The following SUPT6H variants were observed in gnomAD, a reference collection of about 807,000 sequenced individuals.
The protein encoded by SUPT6H is transcription elongation factor SPT6.
SUPT6H carries 11 observed loss-of-function variants against 222.3 expected under a neutral mutation model. The ratio of observed to expected loss-of-function variants is 0.05; its 90% confidence interval spans 0.03 to 0.08. SUPT6H has a LOEUF of 0.08. SUPT6H is among the 10% of genes least tolerant of loss of function. SUPT6H has a pLI of 1.00. For missense variants in SUPT6H, 1,422 were observed against 2,216.0 expected (o/e 0.64, Z 7.19); for synonymous variants, 762 against 801.2 (o/e 0.95, Z 0.83).
chr17:28,674,639 C>A, intron 4 of SUPT6H, 26 bp downstream of exon 4: 1 of 1,608,292 alleles, frequency 6.2e-7, no homozygotes, highest in Non-Finnish European at 8.5e-7. Context: ...TGTCTTTTGT[C>A]CCTGGGGGTA....
Position 28,697,697 on chromosome 17 carries a change from C to A in SUPT6H, c.4287C>A (p.His1429Gln), listed in dbSNP as rs2031984636. 1 of 1,614,238 alleles carries A rather than the reference C, an allele frequency of 6.2e-7. No individual in the cohort carries two copies. The highest frequency in any genetic ancestry group is 8.5e-7 in the Non-Finnish European group (1 of 1,180,052). Residue 1429 changes from histidine to glutamine, a missense_variant, in exon 31 of 37, where the codon CAC (histidine) becomes CAA (glutamine). By Grantham distance (24) the His-to-Gln change is conservative (BLOSUM62 0). Transcript: ENST00000314616. ...MASFARDLLN[H>Q]KYYQDCSGGD... is the part of the protein sequence containing the mutation. ...CCTTTGCCCGGGACCTTCTGAATCA[C>A]AAGTATTATCAGGACTGCAGCGGTG...
Position 28,692,604 on chromosome 17 carries a change from C to G in SUPT6H, c.3634-1092C>G, listed in dbSNP as rs77964959. Among the ~76,000 whole-genome samples, 1,305 of 148,224 alleles carry G rather than the reference C, an allele frequency of 8.8e-3. 135 individuals are homozygous for G. The highest frequency in any genetic ancestry group is 0.06 in the Admixed American group (897 of 14,844). On this transcript the variant is annotated intron_variant, in intron 27 of 36. Coordinates refer to ENST00000314616, the MANE Select transcript of SUPT6H (RefSeq NM_003170.5). ...AAAAGAGGATGGGGCACAGTCACAC[C>G]AGTAATCCCAGCACTTTCAGGGGCC... is the stretch of plus-strand genomic sequence containing the variant.
chr17:28,670,885 C>CAA, intron 1 of SUPT6H: 2 of 136,882 alleles, frequency 1.5e-5, no homozygotes, highest in Non-Finnish European at 3.2e-5. Flanking sequence ...AACTCCATCT[C>CAA]AAAAAAAAAA....
chr17:28,679,520 C>T (rs185605721), intron 11 of SUPT6H, among the ~76,000 whole-genome samples: 3 of 152,210 alleles, frequency 2.0e-5, no homozygotes, highest in African/African-American at 4.8e-5. Flanking sequence ...CTATACTCCA[C>T]ACTGAGTGAA....
chr17:28,691,225 C>T (rs1160434687), intron 27 of SUPT6H, 162 bp downstream of exon 27: 8 of 999,194 alleles, frequency 8.0e-6, no homozygotes, highest in Non-Finnish European at 1.2e-5. Flanking sequence ...GCATGAAGTC[C>T]CTTCTGAGAA....
Position 28,686,553 on chromosome 17 carries a change from CT to C in SUPT6H, c.2565-99del, listed in dbSNP as rs1431513618. The stretch of plus-strand genomic sequence containing the variant: ...CCCTGGGGATGTTTGACCTCATTTT[CT>C]TCAAAGCCCTTTCCTCCCCTACCTC... On this transcript the variant is annotated intron_variant, in intron 20 of 36. Coordinates refer to ENST00000314616, the MANE Select transcript of SUPT6H (RefSeq NM_003170.5). The C allele has an allele frequency of 1.4e-5, 21 of 1,539,978 alleles. No homozygotes were observed. The East Asian group carries it at 4.5e-4, about 33-fold the overall frequency.
At position 28,674,315 on chromosome 17, in the gene SUPT6H, C is replaced by G; in HGVS notation, c.142C>G (p.Gln48Glu). The G allele has an allele frequency of 1.2e-6, 2 of 1,613,982 alleles. No individual in the cohort carries two copies. Among genetic ancestry groups the G allele is most frequent in the Non-Finnish European group, 8.5e-7 (1 of 1,179,972 alleles). Residue 48 changes from glutamine (Q) to glutamate (E), a missense_variant, in exon 3 of 37, where the codon CAG becomes GAG. This residue lies in a region of SUPT6H where 89 missense variants were observed against 118.9 expected (regional missense o/e 0.75). Coordinates refer to ENST00000314616, the MANE Select transcript of SUPT6H (RefSeq NM_003170.5). ...GGAGGAGGAGGAGAACCTAGATGAT[C>G]AGGATGAGCAAGGCAACTTGAAAGG... ...EEEEEENLDD[Q>E]DEQGNLKGFI...
chr17:28,682,071 C>T (rs2031141908), intron 13 of SUPT6H, 91 bp downstream of exon 13: 1 of 1,028,538 alleles, frequency 9.7e-7, no homozygotes, highest in South Asian at 1.5e-5. Context: ...AAAAGAAAGG[C>T]TATCTGGGTC....
intron 32 of SUPT6H, among the ~76,000 whole-genome samples, chr17:28,698,528 C>A (rs746308864): frequency 6.6e-6 from 1 of 152,224 alleles, no homozygotes; most frequent in Non-Finnish European, 1.5e-5. Context: ...AACAGGCTGG[C>A]CTTCCTGAGG....
At chr17:28,670,455 G>A (rs1451372616) in intron 1 of SUPT6H, 1 of 152,018 alleles carries the variant, frequency 6.6e-6, no homozygotes, top group Non-Finnish European at 1.5e-5. Context: ...ATTTTGATTG[G>A]GTTTTGTGTG....
intron 18 of SUPT6H, 33 bp downstream of exon 18, chr17:28,684,758 C>G (rs2031296632): frequency 1.2e-6 from 2 of 1,613,136 alleles, no homozygotes; most frequent in African/African-American, 1.3e-5. Flanking sequence ...CCAGCACCAT[C>G]TCTTGTCTTC....
intron 20 of SUPT6H, 75 bp from the exon 21 acceptor site, chr17:28,686,579 C>T (rs1201036690): frequency 2.6e-6 from 4 of 1,547,710 alleles, no homozygotes; most frequent in Non-Finnish European, 3.5e-6. Context: ...TCCCCTACCT[C>T]TTCACCCCCA....
chr17:28,683,651 G>A lies in SUPT6H; in HGVS notation c.2064G>A (p.Glu688=), dbSNP rs780962018. 5.6e-6 allele frequency: 9 copies of A among 1,613,988 alleles called. No individual in the cohort carries two copies. The highest frequency in any genetic ancestry group is 4.0e-5 in the African/African-American group (3 of 74,906). ...GYGNDQTYFE[E]IKQFYYRDEF... ...GCAACGACCAGACATATTTTGAGGA[G>A]ATAAAACAGTTTTACTACCGAGATG... Residue 688 remains glutamate, a synonymous_variant, in exon 17 of 37, where the codon GAG becomes GAA. Coordinates refer to ENST00000314616, the MANE Select transcript of SUPT6H (RefSeq NM_003170.5).
At chr17:28,673,183 G>T (rs1484029701) in intron 1 of SUPT6H, among the ~76,000 whole-genome samples, 188 bp from the exon 2 acceptor site, 1 of 147,688 alleles carries the variant, frequency 6.8e-6, no homozygotes. Flanking sequence ...TATGAGAGAA[G>T]CAATGCTGGG....
chr17:28,695,165 G>A (rs1393456330), intron 28 of SUPT6H, 187 bp from the exon 29 acceptor site: 43 of 605,304 alleles, frequency 7.1e-5, no homozygotes, highest in Non-Finnish European at 9.9e-5. Context: ...TGCAGGGCTT[G>A]GCCTGTAGTC....
chr17:28,682,062 A>G, intron 13 of SUPT6H, 82 bp downstream of exon 13: 1 of 1,151,698 alleles, frequency 8.7e-7, no homozygotes, highest in Non-Finnish European at 1.2e-6. Context: ...TAGGTAGGAA[A>G]AAGAAAGGCT....
chr17:28,669,951 AG>A (rs2030318236), intron 1 of SUPT6H: 1 of 152,254 alleles, frequency 6.6e-6, no homozygotes, highest in African/African-American at 2.4e-5. Flanking sequence ...AAGTAAATTA[AG>A]TAAGAATGAC....
intron 21 of SUPT6H, 52 bp from the exon 22 acceptor site, chr17:28,687,036 A>T: frequency 1.3e-6 from 2 of 1,597,518 alleles, no homozygotes; most frequent in Non-Finnish European, 8.5e-7. Context: ...TTTCCTCTTG[A>T]TGTTGTAGCT....
In SUPT6H at chr17:28,687,421, A is replaced by G. The variant is rs770977762; in HGVS notation, c.2956A>G (p.Ile986Val). 2 of 1,614,168 alleles carry G rather than the reference A, an allele frequency of 1.2e-6. No homozygotes were observed. The highest frequency in any genetic ancestry group is 3.3e-5 in the Admixed American group (2 of 60,022). The change falls in exon 23 of 37, where the codon ATC (isoleucine) becomes GTC (valine). Residue 986 changes from isoleucine to valine, a missense_variant. Transcript: ENST00000314616. ...AIAHPYSQALIQYVCGLGPRK... is the reference protein window; with the variant it reads ...AIAHPYSQALVQYVCGLGPRK... ...TGCCCACCCTTACAGCCAGGCCTTG[A>G]TCCAGTATGTTTGTGGCCTGGGACC...
Sources: allele counts gnomAD v4.1 joint callset (sites outside exome capture counted in the v4.1 genomes callset), GRCh38; gene constraint gnomAD v4.1.1; regional missense constraint gnomAD v4.1.1; transcripts MANE v1.5; gene names NCBI Gene and HGNC (gene_info 2026-07-23, HGNC 2026-07-21).